Variants in TNS3 observed in about 807,000 individuals in gnomAD.
TNS3 encodes tensin 3.
TNS3 carries 45 observed loss-of-function variants against 140.9 expected under a neutral mutation model. The observed-to-expected ratio is 0.32, with a 90% CI of 0.25 to 0.41. The LOEUF (loss-of-function observed/expected upper bound fraction) is 0.41. Among genes scored for constraint, TNS3 ranks in the 10% least tolerant of loss-of-function variants. TNS3 has a pLI of 1.00. For synonymous variants in TNS3, 815 were observed against 788.4 expected, an observed-to-expected ratio of 1.03 and a Z score of -0.56; for missense variants, 1,716 against 1,906.7, an observed-to-expected ratio of 0.90 and a Z score of 1.86.
intron 1 of TNS3, among the ~76,000 whole-genome samples, chr7:47,570,684 G>T (rs969819255): frequency 3.9e-5 from 6 of 152,228 alleles, no homozygotes; most frequent in African/African-American, 1.4e-4. Flanking sequence ...ATAGTGAAGT[G>T]TGCCCAGTGA....
rs750551984 is a variant in TNS3, at chr7:47,291,962, C to G, written c.3921G>C (p.Gln1307His). ...AANSAAELLKQGAACNVWYLN... is the reference protein window; with the variant it reads ...AANSAAELLKHGAACNVWYLN... ...GGAGCTGCATTTACTGACCTGCCCC[C>G]TGCTTCAACAGCTCAGCTGCTGAAT... The change falls in exon 27 of 31, where the codon CAG becomes CAC. Residue 1307 changes from glutamine to histidine, a missense_variant. By Grantham distance (24) the Gln-to-His change is conservative. Around this residue, in one of 3 missense-constraint regions of TNS3, gnomAD observed 216 missense variants for 295.7 expected, o/e 0.73. Coordinates refer to ENST00000311160, the MANE Select transcript of TNS3 (RefSeq NM_022748.12). 7 of 1,614,180 alleles carry G rather than the reference C, an allele frequency of 4.3e-6. No homozygotes were observed. The highest frequency in any genetic ancestry group is 5.9e-6 in the Non-Finnish European group (7 of 1,180,018).
intron 13 of TNS3, chr7:47,405,456 C>A: frequency 1.4e-6 from 1 of 700,970 alleles, no homozygotes. Flanking sequence ...ATAGCTAAGC[C>A]CCATAGGTCA....
At chr7:47,413,110 T>C (rs995713218) in intron 12 of TNS3, among the ~76,000 whole-genome samples, 6 of 151,992 alleles carry the variant, frequency 3.9e-5, no homozygotes, top group Non-Finnish European at 8.8e-5. Flanking sequence ...CACGCCACCA[T>C]GCCCAGCTAA....
intron 22 of TNS3, 152 bp downstream of exon 22, chr7:47,302,798 G>A: frequency 8.7e-7 from 1 of 1,142,988 alleles, no homozygotes; most frequent in South Asian, 1.8e-5. Context: ...TTTGGACGAG[G>A]AAAATGGAAA....
chr7:47,581,569 T>C (rs1285451097), intron 1 of TNS3: 1 of 152,234 alleles, frequency 6.6e-6, no homozygotes, highest in Non-Finnish European at 1.5e-5. Context: ...GACTGCGACA[T>C]AGCTGCTCCG....
intron 13 of TNS3, among the ~76,000 whole-genome samples, chr7:47,404,692 C>G (rs1166267975): frequency 1.3e-5 from 2 of 152,108 alleles, no homozygotes; most frequent in Non-Finnish European, 2.9e-5. Context: ...CGACACCATC[C>G]TGGCTAACAT....
chr7:47,378,702 G>A (rs1300790423), intron 16 of TNS3, among the ~76,000 whole-genome samples: 1 of 152,048 alleles, frequency 6.6e-6, no homozygotes, highest in African/African-American at 2.4e-5. Flanking sequence ...TAACCCACAA[G>A]GTTAGGGGGA....
chr7:47,449,568 A>G (rs1795917769), intron 4 of TNS3, among the ~76,000 whole-genome samples: 1 of 152,086 alleles, frequency 6.6e-6, no homozygotes, highest in East Asian at 1.9e-4. Flanking sequence ...ACCCGACCTG[A>G]GTCATATGTT....
chr7:47,363,788 T>G (rs532716975), intron 17 of TNS3, among the ~76,000 whole-genome samples: 2 of 152,194 alleles, frequency 1.3e-5, no homozygotes, highest in African/African-American at 4.8e-5. Flanking sequence ...CTGAACCTCA[T>G]GCACACAGAT....
At chr7:47,437,438 C>G (rs1031443605) in intron 6 of TNS3, 125 bp from the exon 7 acceptor site, 2 of 334,568 alleles carry the variant, frequency 6.0e-6, no homozygotes, top group African/African-American at 4.4e-5. Flanking sequence ...AATCTTCACA[C>G]TCACAAATCA....
intron 1 of TNS3, among the ~76,000 whole-genome samples, chr7:47,574,894 AG>A (rs1383888028): frequency 2.0e-5 from 3 of 152,244 alleles, no homozygotes; most frequent in Non-Finnish European, 4.4e-5. Context: ...AGGGACACCG[AG>A]TTTCAGTTCT....
chr7:47,569,577 G>A (rs1800506451), intron 1 of TNS3, among the ~76,000 whole-genome samples: 2 of 151,670 alleles, frequency 1.3e-5, no homozygotes, highest in African/African-American at 4.8e-5. Flanking sequence ...ACAGGGACGG[G>A]GCGTGGTGGC....
chr7:47,296,750 C>T (rs1231889934), intron 24 of TNS3, among the ~76,000 whole-genome samples: 1 of 152,140 alleles, frequency 6.6e-6, no homozygotes, highest in Non-Finnish European at 1.5e-5. Context: ...GAATCTACTC[C>T]AGATGGTTGC....
At chr7:47,542,771 A>T (rs1799823401) in intron 1 of TNS3, among the ~76,000 whole-genome samples, 1 of 152,034 alleles carries the variant, frequency 6.6e-6, no homozygotes, top group Non-Finnish European at 1.5e-5. Context: ...TCTACTAAAG[A>T]TACAAAAAAT....
intron 2 of TNS3, among the ~76,000 whole-genome samples, chr7:47,528,451 A>T (rs1799278501): frequency 6.6e-6 from 1 of 151,526 alleles, no homozygotes; most frequent in Non-Finnish European, 1.5e-5. Flanking sequence ...CCTCCTAGTG[A>T]CTCCCTCTGT....
intron 17 of TNS3, among the ~76,000 whole-genome samples, chr7:47,368,073 G>T (rs1287927215): frequency 6.6e-6 from 1 of 152,220 alleles, no homozygotes; most frequent in African/African-American, 2.4e-5. Context: ...CTGCAATGGA[G>T]GCATGACCGG....
chr7:47,558,104 G>A (rs1444274363), intron 1 of TNS3, among the ~76,000 whole-genome samples: 2 of 152,164 alleles, frequency 1.3e-5, no homozygotes, highest in African/African-American at 4.8e-5. Context: ...CCACCCCCAT[G>A]TGGGTGCTGA....
At position 47,453,204 on chromosome 7, in the gene TNS3, A is replaced by G. The variant is rs1045518401; in HGVS notation, c.-75-11149T>C. 5.1e-6 allele frequency: 5 copies of G among 985,576 alleles called. No homozygotes were observed. The Admixed American group carries it at 1.8e-4, about 36-fold the overall frequency. The allele number at this position is 985,576 out of a possible 1,614,324, so 61.1% of individuals were successfully genotyped here. The stretch of plus-strand genomic sequence containing the variant: ...ACGCAGGCATGGAGCTCACAGGACA[A>G]TGTCCGCCCGGGGCTGAGGGCCAGC... On this transcript the variant is annotated intron_variant, in intron 4 of 30. Transcript: ENST00000311160.
In TNS3 at chr7:47,305,880, A is replaced by G. The variant is rs538112594; in HGVS notation, c.2651-877T>C. ...ACTGGTCAGTTTGTTTTCTGTTTCA[A>G]AACTAATGAGGATTGATAAGAGAAT... On this transcript the variant is annotated intron_variant, in intron 20 of 30. Transcript: ENST00000311160. 1.3e-3 allele frequency among the ~76,000 whole-genome samples: 202 copies of G among 152,362 alleles called. 3 individuals carry two copies. The highest frequency in any genetic ancestry group is 4.6e-3 in the African/African-American group (192 of 41,584).
Sources: gnomAD v4.1 joint callset for allele counts (sites outside exome capture counted in the v4.1 genomes callset) on GRCh38, gnomAD v4.1.1 for gene constraint, gnomAD v4.1.1 regional missense constraint, MANE v1.5 for transcripts, NCBI Gene and HGNC (gene_info 2026-07-23, HGNC 2026-07-21) for gene names.